MPDZ: variants seen among roughly 807,000 people sequenced by gnomAD.
MPDZ encodes the protein multiple PDZ domain protein.
MPDZ carries 234 observed loss-of-function variants against 239.1 expected under a neutral mutation model. That is an observed-to-expected ratio of 0.98 (90% CI 0.88 to 1.09). The LOEUF is 1.09. Among genes scored for constraint, MPDZ ranks in the 50% least tolerant of loss-of-function variants. MPDZ has a pLI of 0.00. For missense variants in MPDZ, 3,175 were observed against 2,510.0 expected, an observed-to-expected ratio of 1.26 and a Z score of -5.66; for synonymous variants, 1,048 against 881.3, an observed-to-expected ratio of 1.19 and a Z score of -3.35.
chr9:13,112,061 T>G lies in MPDZ; in HGVS notation c.5687A>C (p.His1896Pro). The G allele has an allele frequency of 6.2e-7, 1 of 1,613,700 alleles. No homozygotes were observed. Among genetic ancestry groups the G allele is most frequent in the Non-Finnish European group, 8.5e-7 (1 of 1,179,702 alleles). Reference protein sequence around the residue: ...GDVPIFIAMMHPTGVAAQTQK... With the variant: ...GDVPIFIAMMPPTGVAAQTQK... Reference sequence around the variant, plus strand: ...GGTCTGTGCTGCAACTCCAGTTGGGTGCATCATTGCAATAAATATAGGCAC... The same window carrying G: ...GGTCTGTGCTGCAACTCCAGTTGGGGGCATCATTGCAATAAATATAGGCAC... The change falls in exon 43 of 47, where the codon CAC becomes CCC. Residue 1896 changes from histidine (H) to proline (P), a missense_variant. Physicochemically the swap from His to Pro is moderately conservative, Grantham distance 77. Coordinates refer to ENST00000319217, the MANE Select transcript of MPDZ (RefSeq NM_001378778.1).
chr9:13,253,909 A>T (rs1968752317), intron 1 of MPDZ, among the ~76,000 whole-genome samples: 1 of 152,156 alleles, frequency 6.6e-6, no homozygotes, highest in Non-Finnish European at 1.5e-5. Flanking sequence ...TACTTACACA[A>T]TCCACTCACT....
chr9:13,111,805 C>T (rs761848014), intron 43 of MPDZ, among the ~76,000 whole-genome samples: 4 of 152,202 alleles, frequency 2.6e-5, no homozygotes, highest in Non-Finnish European at 5.9e-5. Flanking sequence ...TAGGAAACAA[C>T]TATAAATCTT....
intron 39 of MPDZ, among the ~76,000 whole-genome samples, chr9:13,117,733 A>G (rs917841969): frequency 1.1e-4 from 16 of 152,222 alleles, no homozygotes; most frequent in Admixed American, 6.5e-5. Context: ...GATTATTTAC[A>G]TAAGAGTTTT....
chr9:13,218,318 T>C (rs908403272), intron 8 of MPDZ, among the ~76,000 whole-genome samples: 2 of 151,882 alleles, frequency 1.3e-5, no homozygotes, highest in Admixed American at 6.6e-5. Flanking sequence ...ATAAGACTTA[T>C]GCGAGTGCTA....
Position 13,140,090 on chromosome 9 carries a change from G to C in MPDZ, c.3900C>G (p.Pro1300=). 2 of 1,613,440 alleles carry C rather than the reference G, an allele frequency of 1.2e-6. No homozygotes were observed. Among genetic ancestry groups the C allele is most frequent in the Non-Finnish European group, 1.7e-6 (2 of 1,179,770 alleles). The change falls in exon 28 of 47, where the codon CCC becomes CCG. Residue 1300 remains proline, a synonymous_variant. Transcript: ENST00000319217. ...CCATTTCGGCAAAGGCTGAAGGAGG[G>C]GGTGGGGGCACACTGCACAATGGAG... ...EKAPLCSVPP[P]PPSAFAEMGS...
chr9:13,107,007 A>G lies in MPDZ; in HGVS notation c.6171T>C (p.Leu2057=). 1 of 1,613,642 alleles carries G rather than the reference A, an allele frequency of 6.2e-7. No homozygotes were observed. The highest frequency in any genetic ancestry group is 1.1e-5 in the South Asian group (1 of 91,042). The change falls in exon 47 of 47, where the codon CTT becomes CTC. Residue 2057 remains leucine, a synonymous_variant. Coordinates refer to ENST00000319217, the MANE Select transcript of MPDZ (RefSeq NM_001378778.1). ...AAGTGACAGTGCCTTTTGTCCGTTT[A>G]AGGATGGCAACAGCTTCTTCATGGG... ...GVTHEEAVAI[L]KRTKGTVTLM...
At chr9:13,252,517 G>C (rs1968328324) in intron 1 of MPDZ, among the ~76,000 whole-genome samples, 1 of 143,282 alleles carries the variant, frequency 7.0e-6, no homozygotes, top group Non-Finnish European at 1.5e-5. Context: ...AGTGAGCCAA[G>C]ATCGCGCCAC....
chr9:13,178,586 T>A (rs1181559019), intron 19 of MPDZ, among the ~76,000 whole-genome samples: 1 of 152,200 alleles, frequency 6.6e-6, no homozygotes, highest in Non-Finnish European at 1.5e-5. Context: ...AAGTTCCTAT[T>A]TATGAAGAGA....
intron 18 of MPDZ, among the ~76,000 whole-genome samples, chr9:13,184,575 T>C (rs1201564176): frequency 2.0e-5 from 3 of 151,958 alleles, no homozygotes; most frequent in Non-Finnish European, 2.9e-5. Flanking sequence ...TAATAATATA[T>C]TTTAAATACA....
intron 10 of MPDZ, 71 bp downstream of exon 10, chr9:13,216,703 C>T: frequency 8.4e-7 from 1 of 1,187,076 alleles, no homozygotes; most frequent in South Asian, 1.4e-5. Context: ...GCTCTCAAAA[C>T]TAAGTAAACT....
At chr9:13,173,509 C>A (rs1035958455) in intron 21 of MPDZ, among the ~76,000 whole-genome samples, 1 of 151,866 alleles carries the variant, frequency 6.6e-6, no homozygotes, top group Admixed American at 6.6e-5. Flanking sequence ...TCAAGACCAA[C>A]CTGGGCAACA....
chr9:13,143,499 T>C lies in MPDZ; in HGVS notation c.3807A>G (p.Pro1269=), dbSNP rs577808632. The C allele has an allele frequency of 1.9e-6, 3 of 1,612,698 alleles. No homozygotes were observed. Among genetic ancestry groups the C allele is most frequent in the African/African-American group, 1.3e-5 (1 of 74,822 alleles). The change falls in exon 27 of 47, where the codon CCA becomes CCG. Residue 1269 remains proline, a synonymous_variant. Coordinates refer to ENST00000319217, the MANE Select transcript of MPDZ (RefSeq NM_001378778.1). ...YPKYNFSSTN[P]FADSLQINAD... is the part of the protein sequence containing the mutation. ...CGTTGATTTGTAGAGAGTCAGCAAA[T>C]GGGTTAGTGCTGCTGAAGTTGTACT...
intron 32 of MPDZ, among the ~76,000 whole-genome samples, chr9:13,127,257 C>CT (rs1288010107): frequency 6.6e-6 from 1 of 152,088 alleles, no homozygotes; most frequent in Non-Finnish European, 1.5e-5. Context: ...AGACTCTGTC[C>CT]TTTTGGGGGG....
intron 41 of MPDZ, among the ~76,000 whole-genome samples, chr9:13,113,687 GA>G (rs576491639): frequency 3.3e-5 from 5 of 151,448 alleles, no homozygotes; most frequent in East Asian, 1.9e-4. Flanking sequence ...TGCTTAGTAA[GA>G]AAAAAAAATT....
chr9:13,153,663 C>T (rs930172185), intron 24 of MPDZ, among the ~76,000 whole-genome samples: 9 of 152,046 alleles, frequency 5.9e-5, no homozygotes, highest in Non-Finnish European at 8.8e-5. Context: ...AAAGCAGTTC[C>T]TAAGGCAAAG....
In MPDZ at chr9:13,193,291, C is replaced by G; in HGVS notation, c.1679G>C (p.Ser560Thr). The change falls in exon 14 of 47, where the codon AGT becomes ACT. Residue 560 changes from serine to threonine, a missense_variant. By Grantham distance (58) the Ser-to-Thr change is moderately conservative (BLOSUM62 1). Transcript: ENST00000319217. ...GCTTATCCCCAATCCACTGTTCTCACTAAACTTGCTCACATGGGCCACCTG... is the reference window on the plus strand; with the variant it reads ...GCTTATCCCCAATCCACTGTTCTCAGTAAACTTGCTCACATGGGCCACCTG... ...EIVVAHVSKF[S>T]ENSGLGISLE... is the part of the protein sequence containing the mutation. 6.2e-7 allele frequency: 1 copy of G among 1,607,366 alleles called. No individual in the cohort carries two copies. Among genetic ancestry groups the G allele is most frequent in the Non-Finnish European group, 8.5e-7 (1 of 1,176,592 alleles).
At chr9:13,184,734 T>A (rs1953858957) in intron 18 of MPDZ, among the ~76,000 whole-genome samples, 2 of 151,998 alleles carry the variant, frequency 1.3e-5, no homozygotes, top group South Asian at 4.1e-4. Context: ...AATACCTCAA[T>A]ATAATTTGTA....
intron 3 of MPDZ, among the ~76,000 whole-genome samples, chr9:13,235,423 G>A (rs182618253): frequency 3.8e-3 from 583 of 152,182 alleles, no homozygotes; most frequent in Middle Eastern, 0.014. Flanking sequence ...AACATCACTA[G>A]GTGATAGGGA....
chr9:13,117,970 G>C (rs1176508163), intron 39 of MPDZ, among the ~76,000 whole-genome samples: 1 of 150,742 alleles, frequency 6.6e-6, no homozygotes, highest in African/African-American at 2.4e-5. Context: ...TCAGCCTCCT[G>C]AGTAGCTGGG....
Sources: gnomAD v4.1 joint callset for allele counts (sites outside exome capture counted in the v4.1 genomes callset) on GRCh38, gnomAD v4.1.1 for gene constraint, MANE v1.5 for transcripts, NCBI Gene and HGNC (gene_info 2026-07-23, HGNC 2026-07-21) for gene names.